Variants in GRK1 observed in about 807,000 individuals in gnomAD.
The protein encoded by GRK1 is rhodopsin kinase GRK1.
GRK1 carries 28 observed loss-of-function variants against 41.7 expected under a neutral mutation model. The ratio of observed to expected loss-of-function variants is 0.67; its 90% CI spans 0.50 to 0.92. The LOEUF is 0.92. Ranked by LOEUF, GRK1 falls within the 40% of genes least tolerant of loss-of-function variation. The probability of loss-of-function intolerance (pLI) is 0.00; values close to 1 mark genes in which losing one functional copy is unlikely to be tolerated. For missense variants in GRK1, 703 were observed against 671.2 expected (o/e 1.05, Z -0.52); for synonymous variants, 327 against 286.7 (o/e 1.14, Z -1.42).
rs1405876525 is a variant in GRK1 at position 113,668,090 on chromosome 13, G to A, written c.699+5G>A. On this transcript the variant is annotated splice_donor_5th_base_variant and intron_variant, in intron 1 of 6. Coordinates refer to ENST00000335678, the MANE Select transcript of GRK1 (RefSeq NM_002929.3). ...AAGAAGAGGAAGGGCTACCAGGTGA[G>A]CAGCGCGACCCGGCCAGCAGGGATG... 6.3e-7 allele frequency: 1 copy of A among 1,598,476 alleles called. No individual in the cohort carries two copies. The highest frequency in any genetic ancestry group is 1.7e-5 in the Admixed American group (1 of 57,440).
upstream of GRK1, among the ~76,000 whole-genome samples, chr13:113,662,913 C>A (rs1394102308): frequency 1.3e-5 from 2 of 152,108 alleles, no homozygotes; most frequent in Non-Finnish European, 2.9e-5. Flanking sequence ...AATCCAGACA[C>A]AATGTTTTTG....
At position 113,671,294 on chromosome 13, in the gene GRK1, C is replaced by A. The variant is rs2049855082; in HGVS notation, c.828-205C>A. ...GTGGACAGCACTTTCTCCCTGTTAG[C>A]AGTTGGGGTTCAGGGTCCCTGAGCT... On this transcript the variant is annotated intron_variant, in intron 2 of 6. Transcript: ENST00000335678. The surrounding 1 kb of genome is among the most constrained non-coding windows in gnomAD (Gnocchi z 4.1). Among the ~76,000 whole-genome samples, 1 of 152,168 alleles carries A rather than the reference C, an allele frequency of 6.6e-6. No homozygotes were observed. The highest frequency in any genetic ancestry group is 2.4e-5 in the African/African-American group (1 of 41,430).
the GRK1 span, chr13:113,657,915 C>G: frequency 1.2e-6 from 1 of 822,634 alleles, no homozygotes; most frequent in African/African-American, 1.7e-5. Context: ...GCCATCCAGG[C>G]AGCATCGGGG....
At chr13:113,727,883 C>T (rs375347674) in intron 4 of GRK1, among the ~76,000 whole-genome samples, 2 of 83,344 alleles carry the variant, frequency 2.4e-5, no homozygotes, top group South Asian at 5.3e-4. Flanking sequence ...GTACCCATTG[C>T]GATGAGGAGT....
At chr13:113,734,942 T>G (rs2049991639) in intron 6 of GRK1, 126 bp from the exon 7 acceptor site, 1 of 959,552 alleles carries the variant, frequency 1.0e-6, no homozygotes, top group African/African-American at 1.7e-5. Flanking sequence ...CCACGACACT[T>G]CCCTAAGGAA....
Position 113,735,293 on chromosome 13 carries a change from C to G in GRK1, c.1622C>G (p.Pro541Arg). ...LNVWRSDGQM[P>R]DDMKGISGGS... Reference sequence around the variant, plus strand: ...GTGTGGCGCTCGGACGGTCAGATGCCGGACGACATGAAGGGCATCTCCGGG... The same window carrying G: ...GTGTGGCGCTCGGACGGTCAGATGCGGGACGACATGAAGGGCATCTCCGGG... The change falls in exon 7 of 7, where the codon CCG becomes CGG. Residue 541 changes from proline (P) to arginine (R), a missense_variant. Transcript: ENST00000335678. The G allele has an allele frequency of 6.5e-7, 1 of 1,535,296 alleles. No individual in the cohort carries two copies. The highest frequency in any genetic ancestry group is 8.7e-7 in the Non-Finnish European group (1 of 1,145,534).
rs1214669750 is a variant in GRK1 at position 113,671,765 on chromosome 13, T to C, written c.985+109T>C. The C allele has an allele frequency of 2.1e-5, 14 of 680,720 alleles. No individual in the cohort carries two copies. The highest frequency in any genetic ancestry group is 3.5e-5 in the Non-Finnish European group (13 of 373,004). 42.2% of individuals were successfully genotyped at this position (680,720 alleles called of 1,614,324 possible). A position where few individuals can be genotyped will look rare whatever the true frequency, so the allele number is the denominator to read the frequency against. On this transcript the variant is annotated intron_variant, in intron 3 of 6. Transcript: ENST00000335678. The surrounding 1 kb of genome is among the most constrained non-coding windows in gnomAD (Gnocchi z 4.1). Reference sequence around the variant, plus strand: ...CGAGGGCTGACGGCTGTGTGGACGGTGGGGGTTCATGAGGGCTGACGGCTT... The same window carrying C: ...CGAGGGCTGACGGCTGTGTGGACGGCGGGGGTTCATGAGGGCTGACGGCTT...
chr13:113,668,811 G>A (rs181435980), intron 1 of GRK1, among the ~76,000 whole-genome samples: 50 of 152,324 alleles, frequency 3.3e-4, no homozygotes, highest in Admixed American at 5.9e-4. Context: ...CTCCCACCAC[G>A]CAGCTGTGTT....
chr13:113,654,824 T>G, the GRK1 span: 1 of 1,614,010 alleles, frequency 6.2e-7, no homozygotes, highest in Non-Finnish European at 8.5e-7. Flanking sequence ...CTGGTGACCG[T>G]AGCTGGTCTT....
intron 6 of GRK1, among the ~76,000 whole-genome samples, chr13:113,733,889 G>A (rs556856720): frequency 1.0e-5 from 1 of 97,968 alleles, no homozygotes; most frequent in Non-Finnish European, 2.1e-5. Flanking sequence ...ATACGTGTGT[G>A]CGTGTGTGTA....
chr13:113,735,166 G>C lies in GRK1; in HGVS notation c.1495G>C (p.Asp499His). The change falls in exon 7 of 7, where the codon GAC becomes CAC. Residue 499 changes from aspartate (D) to histidine (H), a missense_variant. Coordinates refer to ENST00000335678, the MANE Select transcript of GRK1 (RefSeq NM_002929.3). ...TTCCACCGTCAAAGGTGTGGCCTTT[G>C]ACAAAACAGACACAGAATTCTTTCA... ...AFSTVKGVAF[D>H]KTDTEFFQEF... The C allele has an allele frequency of 6.5e-7, 1 of 1,537,198 alleles. No homozygotes were observed. Among genetic ancestry groups the C allele is most frequent in the Admixed American group, 2.0e-5 (1 of 51,004 alleles).
the GRK1 span, chr13:113,651,816 C>T: frequency 4.9e-5 from 72 of 1,483,786 alleles, no homozygotes; most frequent in African/African-American, 1.8e-4. Context: ...GAGATCTGGC[C>T]GGCCCCAGCC....
chr13:113,656,358 G>T, the GRK1 span, among the ~76,000 whole-genome samples: 1 of 152,278 alleles, frequency 6.6e-6, no homozygotes, highest in Non-Finnish European at 1.5e-5. Flanking sequence ...CAGTGGAGAT[G>T]TGGGCGGTGC....
intron 4 of GRK1, among the ~76,000 whole-genome samples, chr13:113,724,510 G>C (rs995322231): frequency 2.6e-4 from 40 of 152,184 alleles, no homozygotes; most frequent in African/African-American, 9.4e-4. Flanking sequence ...GTGGCCACGG[G>C]GGGGACATCC....
At position 113,731,396 on chromosome 13, in the gene GRK1, G is replaced by T. The variant is rs189055264; in HGVS notation, c.1194+53G>T. On this transcript the variant is annotated intron_variant, in intron 5 of 6. Transcript: ENST00000335678. This position sits in a 1 kb window ranked among gnomAD's most constrained non-coding sequence, Gnocchi z 5.6. ...CAGCCACCTTGGCGCCCTGGCTCTC[G>T]ATGGGGACGGGGCAGTGATGGGATC... 13 of 1,534,288 alleles carry T rather than the reference G, an allele frequency of 8.5e-6. No individual in the cohort carries two copies. In the East Asian group the frequency reaches 2.0e-4, roughly 23 times the overall value.
chr13:113,650,458 G>C, the GRK1 span: 121 of 1,614,006 alleles, frequency 7.5e-5, no homozygotes, highest in Non-Finnish European at 9.2e-5. This position sits in a 1 kb window ranked among gnomAD's most constrained non-coding sequence, Gnocchi z 5.0. Context: ...GGTGCCGTTG[G>C]GAGGGTAGTA....
chr13:113,733,712 CGCACGT>C (rs1566699729), intron 6 of GRK1, among the ~76,000 whole-genome samples: 3 of 107,882 alleles, frequency 2.8e-5, no homozygotes, highest in African/African-American at 1.0e-4. Context: ...TGCGTGTGTG[CGCACGT>C]GTGTGTGCGC....
At chr13:113,658,443 C>T in the GRK1 span, among the ~76,000 whole-genome samples, 36 of 152,362 alleles carry the variant, frequency 2.4e-4, no homozygotes, top group Non-Finnish European at 4.3e-4. Context: ...GGTGAGGGCA[C>T]GTTCCGGGGT....
the GRK1 span, chr13:113,653,506 C>T: frequency 7.1e-6 from 10 of 1,410,656 alleles, no homozygotes; most frequent in Admixed American, 1.7e-4. Flanking sequence ...TCTGAAGTGG[C>T]TGAGGATACG....
Sources: gnomAD v4.1 joint callset for allele counts (sites outside exome capture counted in the v4.1 genomes callset) on GRCh38, gnomAD v4.1.1 for gene constraint, Gnocchi (gnomAD v3.1) non-coding constraint, MANE v1.5 for transcripts, NCBI Gene and HGNC (gene_info 2026-07-23, HGNC 2026-07-21) for gene names.